The following PRKCZ variants were observed in gnomAD, a reference collection of about 807,000 sequenced individuals.
PRKCZ encodes protein kinase C zeta type.
PRKCZ carries 33 observed loss-of-function variants against 79.5 expected under a neutral mutation model. The ratio of observed to expected loss-of-function variants is 0.41; its 90% CI spans 0.31 to 0.55. The LOEUF is 0.55. Among genes scored for constraint, PRKCZ ranks in the 20% least tolerant of loss-of-function variants. The pLI, the probability that PRKCZ is intolerant of heterozygous loss-of-function variation, is 0.19. For missense variants in PRKCZ, 578 were observed against 813.5 expected, an observed-to-expected ratio of 0.71 and a Z score of 3.52; for synonymous variants, 342 against 320.9, an observed-to-expected ratio of 1.07 and a Z score of -0.70.
intron 5 of PRKCZ, among the ~76,000 whole-genome samples, chr1:2,138,271 G>A (rs1319825598): frequency 6.6e-6 from 1 of 152,198 alleles, no homozygotes; most frequent in Non-Finnish European, 1.5e-5. Flanking sequence ...ATCCGTCGCT[G>A]GGGACTGGGC....
intron 16 of PRKCZ, 46 bp downstream of exon 16, chr1:2,175,359 C>G: frequency 1.3e-6 from 2 of 1,482,404 alleles, no homozygotes; most frequent in Non-Finnish European, 1.9e-6. Flanking sequence ...CCATCCCAAC[C>G]CCAAATCTAC....
At chr1:2,146,812 G>A (rs997512196) in intron 7 of PRKCZ, among the ~76,000 whole-genome samples, 2 of 152,070 alleles carry the variant, frequency 1.3e-5, no homozygotes, top group African/African-American at 4.8e-5. Context: ...CAAAAGAGAT[G>A]CCTCACAAAC....
rs1557612442 is a variant in PRKCZ at position 2,121,631 on chromosome 1, C to T, written c.335-13631C>T. Among the ~76,000 whole-genome samples the T allele has an allele frequency of 1.1e-4, 6 of 56,890 alleles. 1 individual carries two copies. Among genetic ancestry groups the T allele is most frequent in the African/African-American group, 2.9e-4 (6 of 20,940 alleles). The allele number at this position is 56,890 out of a possible 152,430, so 37.3% of individuals were successfully genotyped here. ...TTAGGGTCATGGTGGTGGTTAGGGT[C>T]ACAGTGGTAGTTAGGGTCACGGTGG... is the stretch of plus-strand genomic sequence containing the variant. On this transcript the variant is annotated intron_variant, in intron 4 of 17. Transcript: ENST00000378567.
intron 10 of PRKCZ, among the ~76,000 whole-genome samples, chr1:2,163,046 C>T (rs751984435): frequency 6.6e-6 from 1 of 152,224 alleles, no homozygotes; most frequent in Non-Finnish European, 1.5e-5. Flanking sequence ...ACCTCAGCCG[C>T]TGCAACCAGG....
chr1:2,184,187 G>C (rs1240682203), intron 16 of PRKCZ: 3 of 195,338 alleles, frequency 1.5e-5, no homozygotes, highest in Non-Finnish European at 3.2e-5. Context: ...GCCAGCGCAG[G>C]CAGGGTGCTG....
Position 2,168,712 on chromosome 1 carries a change from C to T in PRKCZ, c.975-806C>T, listed in dbSNP as rs1315400666. On this transcript the variant is annotated intron_variant, in intron 10 of 17. Coordinates refer to ENST00000378567, the MANE Select transcript of PRKCZ (RefSeq NM_002744.6). This position sits in a 1 kb window ranked among gnomAD's most constrained non-coding sequence, Gnocchi z 4.7. ...GGGCAGAGTCACCACACGCTTCCCT[C>T]CTTCACTCCCCGCTCCACGAGGGGC... 1 of 177,778 alleles carries T rather than the reference C, an allele frequency of 5.6e-6. No homozygotes were observed. The highest frequency in any genetic ancestry group is 2.4e-5 in the African/African-American group (1 of 41,850). 11.0% of individuals were successfully genotyped at this position (177,778 alleles called of 1,614,324 possible). A position where few individuals can be genotyped will look rare whatever the true frequency, so the allele number is the denominator to read the frequency against.
chr1:2,106,929 A>G (rs1419612821), intron 4 of PRKCZ, among the ~76,000 whole-genome samples: 5 of 151,734 alleles, frequency 3.3e-5, no homozygotes, highest in Non-Finnish European at 7.4e-5. Flanking sequence ...GTGGGCGAGG[A>G]CCTCTGCACG....
At chr1:2,169,268 C>T (rs1485982912) in intron 10 of PRKCZ, 1 of 537,866 alleles carries the variant, frequency 1.9e-6, no homozygotes. Context: ...AGTCCACACA[C>T]AGTGGCCAAG....
intron 4 of PRKCZ, among the ~76,000 whole-genome samples, chr1:2,091,125 G>C (rs960140870): frequency 5.9e-5 from 9 of 152,138 alleles, no homozygotes; most frequent in African/African-American, 2.2e-4. Context: ...TCCGCCTCCT[G>C]GGTTCAAGCA....
intron 9 of PRKCZ, among the ~76,000 whole-genome samples, chr1:2,152,228 G>A (rs1450238777): frequency 6.6e-6 from 1 of 152,132 alleles, no homozygotes; most frequent in African/African-American, 2.4e-5. Context: ...CATAGAATTT[G>A]CCATTTTAAA....
At chr1:2,112,846 T>C (rs1400546182) in intron 4 of PRKCZ, among the ~76,000 whole-genome samples, 2 of 152,134 alleles carry the variant, frequency 1.3e-5, no homozygotes, top group African/African-American at 2.4e-5. Flanking sequence ...CTCGCCACCA[T>C]GTCTGGCTAT....
At chr1:2,180,820 T>C (rs1370705828) in intron 16 of PRKCZ, among the ~76,000 whole-genome samples, 2 of 152,106 alleles carry the variant, frequency 1.3e-5, no homozygotes, top group African/African-American at 4.8e-5. Flanking sequence ...CACTACCTCC[T>C]GGGCCCAGCC....
intron 4 of PRKCZ, among the ~76,000 whole-genome samples, chr1:2,087,930 G>A (rs1214905421): frequency 2.6e-5 from 4 of 152,216 alleles, no homozygotes; most frequent in Admixed American, 2.0e-4. Context: ...GCCTGGCTTC[G>A]AGGCTGGGAA....
At chr1:2,073,469 G>A (rs1878748) in intron 4 of PRKCZ, 19,585 of 287,088 alleles carry the variant, frequency 0.068, 3,800 homozygotes, top group African/African-American at 0.41. Flanking sequence ...AGCCTGGCAG[G>A]CCAACCTGCA....
chr1:2,055,635 G>A (rs1660093242), intron 2 of PRKCZ, 73 bp downstream of exon 2: 1 of 1,548,320 alleles, frequency 6.5e-7, no homozygotes, highest in Admixed American at 2.0e-5. Flanking sequence ...TGTGTGCGGA[G>A]TGTGCTCAGC....
chr1:2,108,112 C>T (rs902307415), intron 4 of PRKCZ, among the ~76,000 whole-genome samples: 1 of 152,186 alleles, frequency 6.6e-6, no homozygotes, highest in Non-Finnish European at 1.5e-5. Context: ...GCCCAGGGCC[C>T]GCACTCTCAA....
chr1:2,137,742 G>T (rs571090901), intron 5 of PRKCZ, among the ~76,000 whole-genome samples: 1 of 152,302 alleles, frequency 6.6e-6, no homozygotes, highest in Non-Finnish European at 1.5e-5. Context: ...CCGATGGCAG[G>T]TGCAGACCAT....
chr1:2,085,761 G>A (rs202227945), intron 4 of PRKCZ, among the ~76,000 whole-genome samples: 2,663 of 147,298 alleles, frequency 0.018, 8 homozygotes, highest in East Asian at 0.11. Flanking sequence ...GAGGACGTCG[G>A]GGGGCCCTGT....
At chr1:2,161,017 G>A (rs941788867) in intron 10 of PRKCZ, among the ~76,000 whole-genome samples, 10 of 152,122 alleles carry the variant, frequency 6.6e-5, no homozygotes, top group African/African-American at 2.4e-4. Context: ...GGACAGCCTC[G>A]GCCGCGACCT....
Sources: gnomAD v4.1 joint callset for allele counts (sites outside exome capture counted in the v4.1 genomes callset) on GRCh38, gnomAD v4.1.1 for gene constraint, Gnocchi (gnomAD v3.1) non-coding constraint, MANE v1.5 for transcripts, NCBI Gene and HGNC (gene_info 2026-07-23, HGNC 2026-07-21) for gene names.